Variants in FYB2 observed in about 807,000 individuals in gnomAD.
The protein encoded by FYB2 is FYN-binding protein 2.
FYB2 carries 103 observed loss-of-function variants against 94.1 expected under a neutral mutation model. The ratio of observed to expected loss-of-function variants is 1.09; its 90% CI spans 0.93 to 1.29. The LOEUF is 1.29. Among genes scored for constraint, FYB2 ranks in the 50% most tolerant of loss-of-function variants. The pLI is 0.00. For synonymous variants in FYB2, 293 were observed against 287.9 expected, an observed-to-expected ratio of 1.02 and a Z score of -0.18; for missense variants, 896 against 841.5, an observed-to-expected ratio of 1.06 and a Z score of -0.80.
chr1:56,773,969 T>C (rs1645818871), intron 4 of FYB2, among the ~76,000 whole-genome samples: 1 of 152,116 alleles, frequency 6.6e-6, no homozygotes, highest in Admixed American at 6.6e-5. Context: ...AATACCCTAC[T>C]CATAGCCCTT....
chr1:56,787,207 C>A lies in FYB2; in HGVS notation c.921G>T (p.Val307=), dbSNP rs1354649931. 6.2e-7 allele frequency: 1 copy of A among 1,613,944 alleles called. No individual in the cohort carries two copies. The highest frequency in any genetic ancestry group is 1.1e-5 in the South Asian group (1 of 91,064). ...PAAVPKTQGE[V]TVEEGSLSPE... is the part of the protein sequence containing the mutation. ...GAGACAGGGAGCCCTCTTCCACAGT[C>A]ACTGCAAGAGAAAGAGGCGGAATGA... is the stretch of plus-strand genomic sequence containing the variant. Residue 307 remains valine (V), a splice_region_variant and synonymous_variant, in exon 4 of 20, where the codon GTG becomes GTT. Transcript: ENST00000343433.
At chr1:56,818,072 G>T (rs1479677582) in intron 1 of FYB2, among the ~76,000 whole-genome samples, 6 of 152,108 alleles carry the variant, frequency 3.9e-5, no homozygotes, top group Admixed American at 2.6e-4. Flanking sequence ...TCAGAGATGG[G>T]GAAAATGTAA....
intron 5 of FYB2, among the ~76,000 whole-genome samples, chr1:56,762,631 C>T (rs189073993): frequency 2.0e-5 from 3 of 152,102 alleles, no homozygotes; most frequent in African/African-American, 7.2e-5. Flanking sequence ...TTTTTGTGTG[C>T]TTTTTTGGTA....
chr1:56,719,960 A>T, intron 19 of FYB2, 62 bp downstream of exon 19: 1 of 1,464,718 alleles, frequency 6.8e-7, no homozygotes, highest in Non-Finnish European at 9.3e-7. Flanking sequence ...TTCTCTTGAG[A>T]CTAATGTATA....
Position 56,789,077 on chromosome 1 carries a change from A to T in FYB2, c.815T>A (p.Ile272Asn), listed in dbSNP as rs777774880. Reference protein sequence around the residue: ...HLPKTKPLPSIDSLGPPPPKP... With the variant: ...HLPKTKPLPSNDSLGPPPPKP... The stretch of plus-strand genomic sequence containing the variant: ...TGGGGGAGGAGGACCCAGGGAGTCG[A>T]TGGAGGGCAATGGCTTTGTTTTGGG... Residue 272 changes from isoleucine (I) to asparagine (N), a missense_variant, in exon 3 of 20, where the codon ATC becomes AAC. By Grantham distance (149) the Ile-to-Asn change is moderately radical (BLOSUM62 -3). Transcript: ENST00000343433. 5 of 1,612,740 alleles carry T rather than the reference A, an allele frequency of 3.1e-6. No homozygotes were observed. In the Admixed American group the frequency reaches 6.7e-5, roughly 22 times the overall value.
At chr1:56,795,211 A>G (rs1203950573) in intron 1 of FYB2, among the ~76,000 whole-genome samples, 11 of 152,096 alleles carry the variant, frequency 7.2e-5, no homozygotes, top group Non-Finnish European at 1.6e-4. Flanking sequence ...TAGGTACTGT[A>G]TAAGAGGAAT....
At position 56,792,509 on chromosome 1, in the gene FYB2, C is replaced by G. The variant is rs201392067; in HGVS notation, c.304G>C (p.Val102Leu). 1 of 1,614,186 alleles carries G rather than the reference C, an allele frequency of 6.2e-7. No homozygotes were observed. Among genetic ancestry groups the G allele is most frequent in the East Asian group, 2.2e-5 (1 of 44,882 alleles). The change falls in exon 2 of 20, where the codon GTA becomes CTA. Residue 102 changes from valine (V) to leucine (L), a missense_variant. Transcript: ENST00000343433. ...TTCTGTGAACTTGTTGCAGAACATA[C>G]AGTAGACTTTCCCAGAGGCCCTGGG... is the stretch of plus-strand genomic sequence containing the variant. ...NSPGPLGKST[V>L]CSATSSQKAS...
intron 4 of FYB2, among the ~76,000 whole-genome samples, chr1:56,773,913 A>G (rs1003223265): frequency 5.9e-5 from 9 of 152,152 alleles, no homozygotes; most frequent in Admixed American, 3.3e-4. Flanking sequence ...TCAATTGTCC[A>G]AAGTCCCAAA....
At chr1:56,746,742 A>T (rs1410270301) in intron 9 of FYB2, among the ~76,000 whole-genome samples, 1 of 151,994 alleles carries the variant, frequency 6.6e-6, no homozygotes, top group Non-Finnish European at 1.5e-5. Context: ...TATTACAAAA[A>T]GTTTTGCTAT....
At chr1:56,790,900 G>A (rs1304584744) in intron 2 of FYB2, among the ~76,000 whole-genome samples, 2 of 152,138 alleles carry the variant, frequency 1.3e-5, no homozygotes, top group African/African-American at 4.8e-5. Context: ...TTAAAGAAAA[G>A]AGTTTTTGAG....
intron 15 of FYB2, among the ~76,000 whole-genome samples, chr1:56,733,288 A>AT (rs752802661): frequency 7.3e-4 from 111 of 152,106 alleles, no homozygotes; most frequent in Non-Finnish European, 1.3e-3. Context: ...CCCCTTTATC[A>AT]TTTTTTATTG....
intron 17 of FYB2, 170 bp from the exon 18 acceptor site, chr1:56,720,499 T>C (rs1400778502): frequency 1.6e-5 from 8 of 496,874 alleles, no homozygotes; most frequent in Admixed American, 8.4e-5. Flanking sequence ...TAAAGGAAAG[T>C]CGTTTAAGAA....
At chr1:56,732,563 T>C (rs1043804345) in intron 15 of FYB2, among the ~76,000 whole-genome samples, 3 of 152,142 alleles carry the variant, frequency 2.0e-5, no homozygotes, top group African/African-American at 7.2e-5. Flanking sequence ...TAAAGCACAG[T>C]ACCAGACTTC....
At chr1:56,752,666 T>C (rs1018464657) in intron 8 of FYB2, among the ~76,000 whole-genome samples, 9 of 152,230 alleles carry the variant, frequency 5.9e-5, no homozygotes, top group African/African-American at 1.9e-4. Context: ...TGTAGTCCCA[T>C]AATGAAAGCA....
intron 6 of FYB2, among the ~76,000 whole-genome samples, chr1:56,758,081 G>T (rs1645401652): frequency 6.6e-6 from 1 of 151,748 alleles, no homozygotes; most frequent in South Asian, 2.1e-4. Flanking sequence ...GCCTGGCCAA[G>T]AATACACCAT....
At chr1:56,815,557 A>G (rs1646864208) in intron 1 of FYB2, among the ~76,000 whole-genome samples, 1 of 152,116 alleles carries the variant, frequency 6.6e-6, no homozygotes, top group Non-Finnish European at 1.5e-5. Flanking sequence ...CTCAAATTGA[A>G]CAAGAACATT....
At chr1:56,826,227 C>T in the FYB2 span, among the ~76,000 whole-genome samples, 1 of 152,138 alleles carries the variant, frequency 6.6e-6, no homozygotes. Context: ...GGGGTACCCC[C>T]TGCCTTCAAT....
chr1:56,774,082 G>C (rs931515379), intron 4 of FYB2, among the ~76,000 whole-genome samples: 4 of 151,922 alleles, frequency 2.6e-5, no homozygotes, highest in African/African-American at 9.7e-5. Flanking sequence ...TTTGTGCCAG[G>C]TTCAAAAAAA....
chr1:56,723,167 C>A (rs781283475), intron 17 of FYB2, among the ~76,000 whole-genome samples: 1 of 151,792 alleles, frequency 6.6e-6, no homozygotes, highest in Non-Finnish European at 1.5e-5. Flanking sequence ...GGGTTTCTTT[C>A]TCAAAAAGGA....
Sources: gnomAD v4.1 joint callset for allele counts (sites outside exome capture counted in the v4.1 genomes callset) on GRCh38, gnomAD v4.1.1 for gene constraint, MANE v1.5 for transcripts, NCBI Gene and HGNC (gene_info 2026-07-23, HGNC 2026-07-21) for gene names.